RPRD1A: variants seen among roughly 807,000 people sequenced by gnomAD.
RPRD1A encodes regulation of nuclear pre-mRNA domain-containing protein 1A.
Under a neutral mutation model 37.8 loss-of-function variants are expected in RPRD1A, and 9 were observed. The observed-to-expected ratio is 0.24, with a 90% CI of 0.14 to 0.42. The LOEUF is 0.42. Among genes scored for constraint, RPRD1A ranks in the 10% least tolerant of loss-of-function variants. The pLI is 1.00. For missense variants in RPRD1A, 255 were observed against 371.0 expected (o/e 0.69, Z 2.57); for synonymous variants, 138 against 139.7 (o/e 0.99, Z 0.08).
chr18:36,060,154 G>A (rs1054385641), intron 1 of RPRD1A, among the ~76,000 whole-genome samples: 8 of 152,054 alleles, frequency 5.3e-5, no homozygotes, highest in East Asian at 3.9e-4. Context: ...TCTTTTGGCC[G>A]GGTGTGGTGG....
chr18:36,052,940 T>A (rs751419954), intron 1 of RPRD1A: 4 of 152,032 alleles, frequency 2.6e-5, no homozygotes, highest in Admixed American at 2.0e-4. Flanking sequence ...TAAATTTAAA[T>A]TTTTAAAGTT....
At chr18:36,040,869 A>C (rs1352039301) in intron 1 of RPRD1A, 2 of 1,502,088 alleles carry the variant, frequency 1.3e-6, no homozygotes, top group South Asian at 2.5e-5. Flanking sequence ...CTCCACTCTA[A>C]AAGGAAGCAA....
At chr18:35,994,449 T>C (rs968432018) in intron 6 of RPRD1A, among the ~76,000 whole-genome samples, 1 of 152,224 alleles carries the variant, frequency 6.6e-6, no homozygotes, top group Non-Finnish European at 1.5e-5. Flanking sequence ...AATACCTTAA[T>C]GTCAAAGACT....
chr18:36,023,387 T>A (rs1911142031), intron 6 of RPRD1A, among the ~76,000 whole-genome samples: 1 of 152,182 alleles, frequency 6.6e-6, no homozygotes, highest in Non-Finnish European at 1.5e-5. Context: ...GACACAGAAG[T>A]GGAGCCTGAA....
At chr18:36,027,128 G>A (rs1911426652) in intron 5 of RPRD1A, 53 bp from the exon 6 acceptor site, 2 of 1,611,904 alleles carry the variant, frequency 1.2e-6, no homozygotes, top group Admixed American at 3.3e-5. Flanking sequence ...AATGACATAT[G>A]CTGTTCTCTC....
At chr18:36,041,442 T>C (rs1250690643) in intron 1 of RPRD1A, among the ~76,000 whole-genome samples, 1 of 152,230 alleles carries the variant, frequency 6.6e-6, no homozygotes, top group East Asian at 1.9e-4. Flanking sequence ...ATCCTGTTTC[T>C]TTTAGTTCAG....
chr18:35,998,513 C>T (rs780917554), intron 6 of RPRD1A, among the ~76,000 whole-genome samples: 17 of 152,144 alleles, frequency 1.1e-4, no homozygotes, highest in Non-Finnish European at 1.5e-4. Context: ...CAACAAGGCC[C>T]ACCTTTCTGT....
intron 1 of RPRD1A, among the ~76,000 whole-genome samples, chr18:36,056,563 C>T (rs1053379979): frequency 3.3e-5 from 5 of 152,136 alleles, no homozygotes; most frequent in African/African-American, 4.8e-5. Context: ...GCTGGGATTA[C>T]AGGTGTGAGC....
intron 1 of RPRD1A, among the ~76,000 whole-genome samples, chr18:36,046,882 T>G (rs910221612): frequency 7.2e-5 from 9 of 124,956 alleles, no homozygotes; most frequent in African/African-American, 2.9e-4. Context: ...AATCCATGCA[T>G]CCACTAAAAA....
In RPRD1A at chr18:35,992,889, T is replaced by G. The variant is rs769316852; in HGVS notation, c.*262A>C. ...CAAGGCCTTGGATCAAAAAAAAAAT[T>G]TACAAAAAGATCTTTTGAAAATAAT... On this transcript the variant is annotated 3_prime_UTR_variant, in exon 7 of 7. Transcript: ENST00000399022. 9 of 289,652 alleles carry G rather than the reference T, an allele frequency of 3.1e-5. No homozygotes were observed. The highest frequency in any genetic ancestry group is 4.4e-5 in the African/African-American group (2 of 45,732). The allele number at this position is 289,652 out of a possible 1,614,324, so 17.9% of individuals were successfully genotyped here. A position where few individuals can be genotyped will look rare whatever the true frequency, so the allele number is the denominator to read the frequency against.
intron 1 of RPRD1A, among the ~76,000 whole-genome samples, chr18:36,057,051 CAAAAAAAAAAAAAAAAAAAAA>C (rs35428437): frequency 2.2e-5 from 1 of 44,732 alleles, no homozygotes; most frequent in African/African-American, 8.4e-5. Flanking sequence ...CCTGTTTCTA[CAAAAAAAAAAAAAAAAAAAAA>C]AAAAAAAATC....
chr18:36,009,434 G>C (rs1172681734), intron 6 of RPRD1A, among the ~76,000 whole-genome samples: 3 of 152,106 alleles, frequency 2.0e-5, no homozygotes, highest in African/African-American at 4.8e-5. Context: ...CCAACCTCCT[G>C]CTTCTAGGTG....
rs759611826 is a variant in RPRD1A, at chr18:36,026,969, G to C, written c.720C>G (p.Leu240=). The C allele has an allele frequency of 6.2e-7, 1 of 1,613,850 alleles. No homozygotes were observed. Among genetic ancestry groups the C allele is most frequent in the Non-Finnish European group, 8.5e-7 (1 of 1,179,882 alleles). Residue 240 remains leucine (L), a synonymous_variant, in exon 6 of 7, where the codon CTC becomes CTG. Coordinates refer to ENST00000399022, the MANE Select transcript of RPRD1A (RefSeq NM_018170.5). ...GAAGAAAATCTGCTAACATTCGAGT[G>C]AGTTGCTTTCTATCATCTATTTCTG... ...LAAEIDDRKQ[L]TRMLADFLRC...
chr18:36,051,499 C>G (rs1333352796), intron 1 of RPRD1A, among the ~76,000 whole-genome samples: 2 of 152,146 alleles, frequency 1.3e-5, no homozygotes, highest in Non-Finnish European at 2.9e-5. Flanking sequence ...AAATCATACA[C>G]TAGTTCTAAA....
chr18:36,029,089 C>T (rs1911579073), intron 4 of RPRD1A, among the ~76,000 whole-genome samples: 1 of 152,124 alleles, frequency 6.6e-6, no homozygotes, highest in African/African-American at 2.4e-5. Context: ...CCAAATGTAA[C>T]ATTCTTATCA....
chr18:36,067,158 G>T, intron 1 of RPRD1A, 96 bp downstream of exon 1: 2 of 1,375,728 alleles, frequency 1.5e-6, no homozygotes, highest in Non-Finnish European at 2.0e-6. Flanking sequence ...GCATCCCGAC[G>T]CCGGGAAGCC....
At chr18:36,019,017 C>T (rs1910800106) in intron 6 of RPRD1A, among the ~76,000 whole-genome samples, 2 of 150,438 alleles carry the variant, frequency 1.3e-5, no homozygotes. Context: ...ACCTGAAAAA[C>T]AAAATGCAAG....
rs139158288 is a variant in RPRD1A, at chr18:36,052,009, C to T, written c.151+15245G>A. 9.7e-4 allele frequency among the ~76,000 whole-genome samples: 147 copies of T among 152,000 alleles called. 1 individual carries two copies. The highest frequency in any genetic ancestry group is 3.4e-3 in the African/African-American group (139 of 41,482). On this transcript the variant is annotated intron_variant, in intron 1 of 6. Coordinates refer to ENST00000399022, the MANE Select transcript of RPRD1A (RefSeq NM_018170.5). The stretch of plus-strand genomic sequence containing the variant: ...AAACTTCAAGCAAGATAAACTCAAA[C>T]CCACACTAAGACACATTATAATCAG...
chr18:36,048,666 A>C (rs1008390205), intron 1 of RPRD1A, among the ~76,000 whole-genome samples: 4 of 152,054 alleles, frequency 2.6e-5, no homozygotes, highest in Non-Finnish European at 5.9e-5. Context: ...GAAAAAAAAA[A>C]CCTACAGCTA....
Sources: allele counts gnomAD v4.1 joint callset (sites outside exome capture counted in the v4.1 genomes callset), GRCh38; gene constraint gnomAD v4.1.1; transcripts MANE v1.5; gene names NCBI Gene and HGNC (gene_info 2026-07-23, HGNC 2026-07-21).